The following TMEM232 variants were observed in gnomAD, a reference collection of about 807,000 sequenced individuals.
TMEM232 encodes transmembrane protein 232.
Under a neutral mutation model 78.8 loss-of-function variants are expected in TMEM232, and 80 were observed. The ratio of observed to expected loss-of-function variants is 1.01; its 90% confidence interval spans 0.85 to 1.22. The LOEUF (loss-of-function observed/expected upper bound fraction) is 1.22, where lower values mean the gene tolerates loss of function less well. Among genes scored for constraint, TMEM232 ranks in the 50% most tolerant of loss-of-function variants. The pLI is 0.00. For missense variants in TMEM232, 881 were observed against 742.2 expected, an observed-to-expected ratio of 1.19 and a Z score of -2.17; for synonymous variants, 297 against 254.3, an observed-to-expected ratio of 1.17 and a Z score of -1.60.
chr5:110,431,094 C>A (rs1757787635), intron 12 of TMEM232, among the ~76,000 whole-genome samples: 2 of 151,444 alleles, frequency 1.3e-5, no homozygotes, highest in African/African-American at 4.8e-5. Flanking sequence ...TTTAGAGCTG[C>A]CGAGGTAGCC....
chr5:110,430,993 G>A (rs1036192972), intron 12 of TMEM232, among the ~76,000 whole-genome samples: 3 of 151,640 alleles, frequency 2.0e-5, no homozygotes, highest in African/African-American at 7.3e-5. Context: ...GGATTGAAAA[G>A]TGAAAAATCC....
intron 5 of TMEM232, among the ~76,000 whole-genome samples, chr5:110,635,503 A>G (rs1226883081): frequency 6.6e-6 from 1 of 152,152 alleles, no homozygotes; most frequent in African/African-American, 2.4e-5. Flanking sequence ...AATTGGATTT[A>G]TACCAGGGAA....
downstream of TMEM232, among the ~76,000 whole-genome samples, chr5:110,414,888 T>C (rs777876580): frequency 6.6e-6 from 1 of 152,212 alleles, no homozygotes; most frequent in Non-Finnish European, 1.5e-5. Flanking sequence ...TCTTCAATAA[T>C]GTGCACTGAA....
chr5:110,412,916 A>C (rs1756051141), intron 2 of TMEM232, among the ~76,000 whole-genome samples: 1 of 152,212 alleles, frequency 6.6e-6, no homozygotes, highest in Non-Finnish European at 1.5e-5. Flanking sequence ...AAAGCCTTAC[A>C]CATTAGGCTA....
At chr5:110,615,067 G>A (rs1025665970) in intron 8 of TMEM232, among the ~76,000 whole-genome samples, 2 of 151,924 alleles carry the variant, frequency 1.3e-5, no homozygotes, top group African/African-American at 4.8e-5. Flanking sequence ...CCATCACACT[G>A]TGAGACAGAA....
intron 12 of TMEM232, among the ~76,000 whole-genome samples, chr5:110,437,860 G>C (rs1296697856): frequency 1.3e-5 from 2 of 152,092 alleles, no homozygotes; most frequent in African/African-American, 4.8e-5. Context: ...TATTGGGCTT[G>C]CTTCTTGTAC....
At chr5:110,418,963 A>C (rs1049341042), downstream of TMEM232, among the ~76,000 whole-genome samples, 1 of 152,310 alleles carries the variant, frequency 6.6e-6, no homozygotes, top group Middle Eastern at 3.4e-3. Flanking sequence ...AATTAGAAGG[A>C]CGTTCAGAGT....
chr5:110,657,963 T>C (rs977026842), intron 2 of TMEM232, among the ~76,000 whole-genome samples: 2 of 152,162 alleles, frequency 1.3e-5, no homozygotes, highest in African/African-American at 4.8e-5. Flanking sequence ...ACAATTAATA[T>C]GGCTTCTCCT....
intron 12 of TMEM232, among the ~76,000 whole-genome samples, chr5:110,481,192 A>G (rs1488949091): frequency 3.3e-5 from 5 of 152,148 alleles, no homozygotes; most frequent in Admixed American, 3.3e-4. Context: ...TACTTTCTCT[A>G]AACATTCATT....
intron 12 of TMEM232, among the ~76,000 whole-genome samples, chr5:110,467,902 A>ATCT (rs761806379): frequency 4.6e-5 from 7 of 152,134 alleles, no homozygotes; most frequent in South Asian, 2.1e-4. Flanking sequence ...TGTTTTGGGA[A>ATCT]TCTTCTATAC....
At chr5:110,524,611 G>A (rs1453411603) in intron 12 of TMEM232, among the ~76,000 whole-genome samples, 2 of 152,136 alleles carry the variant, frequency 1.3e-5, no homozygotes, top group African/African-American at 4.8e-5. Flanking sequence ...AGATGAGTGT[G>A]TATGCTGCTG....
At chr5:110,427,232 T>C (rs1444054276) in intron 12 of TMEM232, among the ~76,000 whole-genome samples, 1 of 151,962 alleles carries the variant, frequency 6.6e-6, no homozygotes, top group Non-Finnish European at 1.5e-5. Flanking sequence ...TTAATCCCTC[T>C]GTTCTTCAGT....
intron 12 of TMEM232, among the ~76,000 whole-genome samples, chr5:110,515,336 A>G (rs539975112): frequency 2.6e-5 from 4 of 152,242 alleles, no homozygotes; most frequent in East Asian, 1.9e-4. Context: ...CAACTTCCCA[A>G]TGATTCAATG....
chr5:110,664,217 T>C (rs771690901), intron 2 of TMEM232, among the ~76,000 whole-genome samples: 29 of 152,142 alleles, frequency 1.9e-4, no homozygotes, highest in Admixed American at 4.6e-4. Context: ...CACTATGGCA[T>C]TGATTTTATT....
intron 1 of TMEM232, among the ~76,000 whole-genome samples, chr5:110,712,110 A>T (rs1389771639): frequency 2.7e-5 from 4 of 149,946 alleles, no homozygotes; most frequent in African/African-American, 4.9e-5. Context: ...AATCTCAAAA[A>T]AAAAAAAAAA....
At chr5:110,665,481 T>C (rs986796679) in intron 2 of TMEM232, among the ~76,000 whole-genome samples, 1 of 151,938 alleles carries the variant, frequency 6.6e-6, no homozygotes, top group Non-Finnish European at 1.5e-5. Flanking sequence ...TTTACAATCA[T>C]GGCAGAAGGG....
chr5:110,397,851 C>T (rs1462000401), exon 3 of TMEM232: 2 of 152,580 alleles, frequency 1.3e-5, no homozygotes, highest in Non-Finnish European at 2.9e-5. Context: ...CATGTTGCTT[C>T]TGTCTGGAGT....
intron 3 of TMEM232, among the ~76,000 whole-genome samples, chr5:110,641,479 C>G (rs1217029786): frequency 3.3e-5 from 5 of 152,102 alleles, no homozygotes; most frequent in Non-Finnish European, 7.4e-5. Flanking sequence ...GGGACTGTTG[C>G]AGGGAACACT....
chr5:110,466,982 T>A (rs964234227), intron 12 of TMEM232, among the ~76,000 whole-genome samples: 1 of 152,030 alleles, frequency 6.6e-6, no homozygotes, highest in Non-Finnish European at 1.5e-5. Context: ...AATATTACAA[T>A]GATTATCATT....
Sources: gnomAD v4.1 joint callset for allele counts (sites outside exome capture counted in the v4.1 genomes callset) on GRCh38, gnomAD v4.1.1 for gene constraint, MANE v1.5 for transcripts, NCBI Gene and HGNC (gene_info 2026-07-23, HGNC 2026-07-21) for gene names.